The following PDE11A variants were observed in gnomAD, a reference collection of about 807,000 sequenced individuals.
PDE11A encodes the protein dual 3',5'-cyclic-AMP and -GMP phosphodiesterase 11A.
In PDE11A, 100 loss-of-function variants were observed where a neutral mutation model predicts 100.5. The observed-to-expected ratio is 1.00, with a 90% CI of 0.85 to 1.18. The LOEUF is 1.18. Ranked by LOEUF, PDE11A falls within the 50% of genes most tolerant of loss-of-function variation. The pLI is 0.00. For missense variants in PDE11A, 1,141 were observed against 1,152.6 expected, an observed-to-expected ratio of 0.99 and a Z score of 0.15; for synonymous variants, 381 against 420.8, an observed-to-expected ratio of 0.91 and a Z score of 1.16.
In PDE11A at chr2:177,634,395, T is replaced by TTTC. The variant is rs71816480; in HGVS notation, c.2647-4834_2647-4833insGAA. The stretch of plus-strand genomic sequence containing the variant: ...AACTTACTTTTTCTCTCTCTCTTTT[T>TTTC]TTTTTTTTTGTGAGAAGGAGTCTCG... On this transcript the variant is annotated intron_variant, in intron 19 of 19. Coordinates refer to ENST00000286063, the MANE Select transcript of PDE11A (RefSeq NM_016953.4). 3.7e-3 allele frequency among the ~76,000 whole-genome samples: 557 copies of TTTC among 151,474 alleles called. 8 individuals carry two copies. The highest frequency in any genetic ancestry group is 0.013 in the African/African-American group (527 of 41,202).
chr2:177,971,943 T>G (rs1441174420), intron 2 of PDE11A, among the ~76,000 whole-genome samples: 1 of 151,884 alleles, frequency 6.6e-6, no homozygotes, highest in African/African-American at 2.4e-5. Context: ...CTGGGCATAA[T>G]AAGAACTGGA....
chr2:177,840,104 T>TA (rs1235954918), intron 6 of PDE11A, 147 bp downstream of exon 6: 1 of 785,218 alleles, frequency 1.3e-6, no homozygotes, highest in Non-Finnish European at 2.1e-6. Flanking sequence ...TTTTCTAACT[T>TA]AGAGTCAACA....
rs530928436 is a variant in PDE11A, at chr2:177,703,367, G to C, written c.2154-2156C>G. Among the ~76,000 whole-genome samples, 405 of 152,224 alleles carry C rather than the reference G, an allele frequency of 2.7e-3. 2 individuals carry two copies. Among genetic ancestry groups the C allele is most frequent in the Middle Eastern group, 0.01 (3 of 294 alleles). On this transcript the variant is annotated intron_variant, in intron 13 of 19. Coordinates refer to ENST00000286063, the MANE Select transcript of PDE11A (RefSeq NM_016953.4). ...CAGAGAAGTTAAGTAACTTTTCCAA[G>C]GTCACACAGCTAGCTTGTACCAGTT...
intron 1 of PDE11A, among the ~76,000 whole-genome samples, chr2:178,068,743 A>G (rs745479337): frequency 6.6e-6 from 1 of 152,186 alleles, no homozygotes; most frequent in Non-Finnish European, 1.5e-5. Flanking sequence ...TAACACCAGG[A>G]AATGCAAAGG....
chr2:178,022,683 A>G (rs1220325325), intron 1 of PDE11A, among the ~76,000 whole-genome samples: 2 of 152,186 alleles, frequency 1.3e-5, no homozygotes, highest in East Asian at 3.9e-4. Context: ...CTGAAAATGG[A>G]AACTTGAATA....
intron 1 of PDE11A, among the ~76,000 whole-genome samples, chr2:178,026,844 A>G (rs71423546): frequency 0.081 from 12,281 of 152,146 alleles, 720 homozygotes; most frequent in Non-Finnish European, 0.12. Flanking sequence ...AACTAGTTAC[A>G]TATTTGGGAA....
chr2:177,999,270 A>G (rs1046866391), intron 2 of PDE11A, among the ~76,000 whole-genome samples: 2 of 152,218 alleles, frequency 1.3e-5, no homozygotes, highest in African/African-American at 2.4e-5. Context: ...GAAAAGAAGC[A>G]ATGGACATTT....
chr2:177,712,072 T>G (rs1378372768), intron 12 of PDE11A, among the ~76,000 whole-genome samples, 194 bp from the exon 13 acceptor site: 1 of 152,218 alleles, frequency 6.6e-6, no homozygotes, highest in East Asian at 1.9e-4. Flanking sequence ...TGAATTAGCT[T>G]GCTGTCACAG....
chr2:177,932,689 C>T (rs922823189), intron 2 of PDE11A, among the ~76,000 whole-genome samples: 1 of 152,078 alleles, frequency 6.6e-6, no homozygotes, highest in Admixed American at 6.6e-5. Context: ...CCATCTATGA[C>T]AAACCCACAG....
chr2:177,748,901 C>T (rs1380727696), intron 10 of PDE11A, among the ~76,000 whole-genome samples: 1 of 152,132 alleles, frequency 6.6e-6, no homozygotes, highest in African/African-American at 2.4e-5. Flanking sequence ...TGATATAAAA[C>T]ACCTGCAGGT....
chr2:177,638,031 G>A (rs185083562), intron 19 of PDE11A, among the ~76,000 whole-genome samples: 2,841 of 115,264 alleles, frequency 0.025, 114 homozygotes, highest in African/African-American at 0.092. Flanking sequence ...ATGGAGTCTC[G>A]CTCTGTCACC....
chr2:177,874,177 C>T (rs1220750360), intron 5 of PDE11A, among the ~76,000 whole-genome samples: 1 of 152,122 alleles, frequency 6.6e-6, no homozygotes, highest in Non-Finnish European at 1.5e-5. Context: ...GTGACCTTGT[C>T]CTTGGTGGCT....
At chr2:177,674,520 C>A (rs1042456132) in intron 17 of PDE11A, among the ~76,000 whole-genome samples, 6 of 152,176 alleles carry the variant, frequency 3.9e-5, no homozygotes, top group African/African-American at 1.4e-4. Context: ...TCCCCCTGCT[C>A]CCTCTTATAA....
chr2:177,818,885 A>G, intron 7 of PDE11A, among the ~76,000 whole-genome samples: 1 of 152,088 alleles, frequency 6.6e-6, no homozygotes, highest in East Asian at 1.9e-4. Flanking sequence ...CTGTAATTCT[A>G]AAGTATGCTT....
intron 16 of PDE11A, among the ~76,000 whole-genome samples, chr2:177,678,271 T>C (rs13428260): frequency 0.091 from 13,797 of 152,134 alleles, 2,094 homozygotes; most frequent in African/African-American, 0.31. Flanking sequence ...CCCAGAGAGT[T>C]TGAGAGGTTC....
intron 9 of PDE11A, among the ~76,000 whole-genome samples, chr2:177,795,590 T>C (rs974078317): frequency 6.6e-6 from 1 of 152,158 alleles, no homozygotes; most frequent in East Asian, 1.9e-4. Flanking sequence ...AAATGCCTTC[T>C]TGGGTACCTA....
At chr2:177,956,297 A>G (rs1205179729) in intron 2 of PDE11A, among the ~76,000 whole-genome samples, 6 of 150,926 alleles carry the variant, frequency 4.0e-5, no homozygotes, top group Non-Finnish European at 7.4e-5. Context: ...CAGCCAAAAA[A>G]CACATGAAAA....
intron 2 of PDE11A, among the ~76,000 whole-genome samples, chr2:177,909,246 T>G (rs1458961119): frequency 6.6e-6 from 1 of 152,188 alleles, no homozygotes; most frequent in African/African-American, 2.4e-5. Flanking sequence ...CATGGCATTT[T>G]GAATGGCAAA....
chr2:177,988,625 A>AT (rs1205471969), intron 2 of PDE11A, among the ~76,000 whole-genome samples: 2 of 152,184 alleles, frequency 1.3e-5, no homozygotes. Context: ...CAGCCTTTTC[A>AT]TTTTACACTG....
Sources: gnomAD v4.1 joint callset for allele counts (sites outside exome capture counted in the v4.1 genomes callset) on GRCh38, gnomAD v4.1.1 for gene constraint, MANE v1.5 for transcripts, NCBI Gene and HGNC (gene_info 2026-07-23, HGNC 2026-07-21) for gene names.